STK3: variants seen among roughly 807,000 people sequenced by gnomAD.
The protein encoded by STK3 is serine/threonine kinase 3, also known as serine/threonine-protein kinase 3.
Under a neutral mutation model 58.0 loss-of-function variants are expected in STK3, and 41 were observed. The observed-to-expected ratio is 0.71, with a 90% CI of 0.55 to 0.92. The LOEUF is 0.92. STK3 is among the 40% of genes least tolerant of loss of function. The pLI, the probability that STK3 is intolerant of heterozygous loss-of-function variation, is 0.00. For missense variants in STK3, 479 were observed against 602.7 expected (o/e 0.79, Z 2.15); for synonymous variants, 170 against 191.0 (o/e 0.89, Z 0.91).
At chr8:98,433,946 T>A (rs934771978) in intron 3 of STK3, among the ~76,000 whole-genome samples, 3 of 152,224 alleles carry the variant, frequency 2.0e-5, no homozygotes, top group Non-Finnish European at 4.4e-5. Context: ...TTAACAATCA[T>A]TAGGCAGAGG....
chr8:98,797,629 CTT>C (rs1162085666), intron 1 of STK3, among the ~76,000 whole-genome samples: 1 of 152,190 alleles, frequency 6.6e-6, no homozygotes, highest in Non-Finnish European at 1.5e-5. Flanking sequence ...ATTATACACA[CTT>C]TGTCAAAACT....
intron 4 of STK3, among the ~76,000 whole-genome samples, chr8:98,720,504 A>G (rs1199740536): frequency 6.6e-6 from 1 of 152,150 alleles, no homozygotes; most frequent in Admixed American, 6.5e-5. Context: ...TAATCCCAGC[A>G]CTTTGGAAGG....
intron 6 of STK3, among the ~76,000 whole-genome samples, chr8:98,697,607 T>C (rs199937960): frequency 2.0e-5 from 3 of 152,220 alleles, no homozygotes; most frequent in South Asian, 2.1e-4. Flanking sequence ...GCCTTCATTT[T>C]GTTATGTACC....
At chr8:98,693,547 G>A (rs1824579699) in intron 6 of STK3, among the ~76,000 whole-genome samples, 1 of 152,038 alleles carries the variant, frequency 6.6e-6, no homozygotes, top group African/African-American at 2.4e-5. Flanking sequence ...AGATTATCCT[G>A]TAGAGCCCCT....
chr8:98,820,878 T>G (rs1306058038), intron 1 of STK3, among the ~76,000 whole-genome samples: 1 of 151,836 alleles, frequency 6.6e-6, no homozygotes, highest in African/African-American at 2.4e-5. Flanking sequence ...CTCAGGAGGG[T>G]GAGGCAGGAT....
At chr8:98,563,157 A>C (rs1044767401) in intron 8 of STK3, among the ~76,000 whole-genome samples, 2 of 152,188 alleles carry the variant, frequency 1.3e-5, no homozygotes, top group African/African-American at 4.8e-5. Flanking sequence ...GAAATGATAC[A>C]TAAGCAGTGT....
intron 1 of STK3, among the ~76,000 whole-genome samples, chr8:98,885,746 G>A (rs999433030): frequency 1.3e-5 from 2 of 151,956 alleles, no homozygotes; most frequent in African/African-American, 4.8e-5. Context: ...GGCTGATTTC[G>A]GTTTTTATTT....
chr8:98,913,171 T>A (rs1384132144), intron 1 of STK3, among the ~76,000 whole-genome samples: 5 of 152,196 alleles, frequency 3.3e-5, no homozygotes, highest in Non-Finnish European at 7.3e-5. Flanking sequence ...CTGTTGTATT[T>A]TGAAAAACAA....
chr8:98,802,805 G>C (rs1253910748), intron 1 of STK3, among the ~76,000 whole-genome samples: 1 of 152,062 alleles, frequency 6.6e-6, no homozygotes, highest in East Asian at 1.9e-4. Context: ...GATATAAAAA[G>C]AATTCACAAT....
chr8:98,694,579 C>T (rs1413992414), intron 6 of STK3, among the ~76,000 whole-genome samples: 1 of 152,098 alleles, frequency 6.6e-6, no homozygotes, highest in African/African-American at 2.4e-5. Flanking sequence ...CAATTCCCAT[C>T]TATGAGTGAG....
chr8:98,358,665 C>T, the STK3 span, among the ~76,000 whole-genome samples: 13,883 of 151,932 alleles, frequency 0.091, 739 homozygotes, highest in East Asian at 0.19. Flanking sequence ...TGCATAGCTT[C>T]GTGTGTTGAC....
intron 3 of STK3, among the ~76,000 whole-genome samples, chr8:98,849,234 A>C (rs970329867): frequency 6.6e-6 from 1 of 151,998 alleles, no homozygotes; most frequent in African/African-American, 2.4e-5. Flanking sequence ...TCAAAAAAAA[A>C]AAAAAAAAAG....
intron 10 of STK3, among the ~76,000 whole-genome samples, chr8:98,521,015 T>C (rs1336187524): frequency 6.6e-6 from 1 of 152,192 alleles, no homozygotes; most frequent in Admixed American, 6.6e-5. Flanking sequence ...TTTGTTCATC[T>C]TCTGGCAATG....
chr8:98,566,900 T>C (rs1812523533), intron 8 of STK3, among the ~76,000 whole-genome samples: 1 of 152,186 alleles, frequency 6.6e-6, no homozygotes, highest in African/African-American at 2.4e-5. Flanking sequence ...CTTTCCGCCA[T>C]ATCCTAAAAG....
At chr8:98,566,608 T>C (rs1424278729) in intron 8 of STK3, among the ~76,000 whole-genome samples, 2 of 152,156 alleles carry the variant, frequency 1.3e-5, no homozygotes, top group Non-Finnish European at 2.9e-5. Flanking sequence ...GTTAGTTTTA[T>C]GAAATTTTTC....
intron 6 of STK3, among the ~76,000 whole-genome samples, chr8:98,629,185 A>G (rs1563824052): frequency 6.6e-6 from 1 of 152,214 alleles, no homozygotes; most frequent in East Asian, 1.9e-4. Context: ...CTTTAGTATG[A>G]TAGGCTCAGC....
chr8:98,572,597 A>C (rs1323168995), intron 8 of STK3, among the ~76,000 whole-genome samples: 5 of 152,228 alleles, frequency 3.3e-5, no homozygotes, highest in African/African-American at 9.6e-5. Context: ...TACATCTACT[A>C]ATTTTAAAAG....
At chr8:98,519,407 C>T (rs909824970) in intron 10 of STK3, among the ~76,000 whole-genome samples, 1 of 151,936 alleles carries the variant, frequency 6.6e-6, no homozygotes, top group South Asian at 2.1e-4. Context: ...TCCTCTTTTT[C>T]GGGGCTACTC....
chr8:98,880,850 G>A (rs1837765200), downstream of STK3: 1 of 152,152 alleles, frequency 6.6e-6, no homozygotes, highest in African/African-American at 2.4e-5. Flanking sequence ...AGGATGTGGA[G>A]CAACAGAAAC....
Sources: allele counts gnomAD v4.1 joint callset (sites outside exome capture counted in the v4.1 genomes callset), GRCh38; gene constraint gnomAD v4.1.1; transcripts MANE v1.5; gene names NCBI Gene and HGNC (gene_info 2026-07-23, HGNC 2026-07-21).